The following KRT74 variants were observed in gnomAD, a reference collection of about 807,000 sequenced individuals.
KRT74 encodes the protein keratin 74, also known as keratin, type II cytoskeletal 74.
KRT74 carries 43 observed loss-of-function variants against 42.7 expected under a neutral mutation model. That is an observed-to-expected ratio of 1.01 (90% CI 0.79 to 1.30). KRT74 has a LOEUF of 1.30. KRT74 is among the 50% of genes most tolerant of loss of function. The pLI is 0.00. For missense variants in KRT74, 736 were observed against 689.1 expected (o/e 1.07, Z -0.76); for synonymous variants, 302 against 279.0 (o/e 1.08, Z -0.82).
At chr12:52,571,895 A>T in intron 3 of KRT74, 49 bp downstream of exon 3, 1 of 1,243,874 alleles carries the variant, frequency 8.0e-7, no homozygotes, top group Non-Finnish European at 1.2e-6. Context: ...CAGAGTTGTT[A>T]AGATGGGGGT....
In KRT74 at chr12:52,572,765, T is replaced by C. The variant is rs190208048; in HGVS notation, c.472-98A>G. ...TCCCCAGGTTTGCCATAGATTGTTG[T>C]AGTCATTTTTGCTCATGTCTTGACT... On this transcript the variant is annotated intron_variant, in intron 1 of 8. Coordinates refer to ENST00000305620, the MANE Select transcript of KRT74 (RefSeq NM_175053.4). 1.5e-4 allele frequency: 169 copies of C among 1,133,452 alleles called. 1 individual carries two copies. The African/African-American group carries it at 1.8e-3, about 12-fold the overall frequency. The allele number at this position is 1,133,452 out of a possible 1,614,324, so 70.2% of individuals were successfully genotyped here. A position where few individuals can be genotyped will look rare whatever the true frequency, so the allele number is the denominator to read the frequency against.
intron 6 of KRT74, chr12:52,569,521 A>G (rs1232686504): frequency 1.7e-6 from 1 of 601,172 alleles, no homozygotes; most frequent in Admixed American, 3.0e-5. Context: ...TTCATTGGAC[A>G]CAGAAAAAAT....
At position 52,573,446 on chromosome 12, in the gene KRT74, C is replaced by T. The variant is rs779011687; in HGVS notation, c.332G>A (p.Gly111Asp). Reference protein sequence around the residue: ...PACLSVCPPGGIHQVTVNKSL... With the variant: ...PACLSVCPPGDIHQVTVNKSL... ...CTTGTTGACAGTGACCTGGTGGATG[C>T]CCCCAGGTGGGCACACAGACAAACA... Residue 111 changes from glycine (G) to aspartate (D), a missense_variant, in exon 1 of 9, where the codon GGC becomes GAC. Physicochemically the swap from Gly to Asp is moderately conservative, Grantham distance 94 (BLOSUM62 -1). Transcript: ENST00000305620. 4 of 1,614,078 alleles carry T rather than the reference C, an allele frequency of 2.5e-6. No homozygotes were observed. The highest frequency in any genetic ancestry group is 3.4e-6 in the Non-Finnish European group (4 of 1,180,042).
At chr12:52,570,604 C>T in intron 5 of KRT74, 65 bp downstream of exon 5, 1 of 1,546,846 alleles carries the variant, frequency 6.5e-7, no homozygotes, top group South Asian at 1.1e-5. Context: ...CTCACATTCA[C>T]TGTGCAGGTG....
At chr12:52,573,259 C>G (rs1372668073) in intron 1 of KRT74, 48 bp downstream of exon 1, 3 of 1,575,834 alleles carry the variant, frequency 1.9e-6, no homozygotes, top group Non-Finnish European at 1.7e-6. Flanking sequence ...AGCAGGAAAA[C>G]TGCTCAGGCC....
At position 52,570,360 on chromosome 12, in the gene KRT74, C is replaced by T. The variant is rs372105186; in HGVS notation, c.1008+309G>A. Among the ~76,000 whole-genome samples the T allele has an allele frequency of 3.2e-4, 48 of 152,304 alleles. No individual in the cohort carries two copies. The South Asian group carries it at 1.0e-2, about 32-fold the overall frequency. ...TCTCCCTCTGCCCTGTGGCAACATG[C>T]CCCCATTCCTATAAGTGTGTTTGTT... On this transcript the variant is annotated intron_variant, in intron 5 of 8. Transcript: ENST00000305620.
At position 52,571,938 on chromosome 12, in the gene KRT74, T is replaced by C. The variant is rs673363; in HGVS notation, c.747+6A>G. On this transcript the variant is annotated splice_donor_region_variant and intron_variant, in intron 3 of 8. Transcript: ENST00000305620. ...ACCCTAATAAGGAGGCTCCTCCCTC[T>C]CTTACCTTCTTAAGCACCACAAACT... 1,148,671 of 1,530,448 alleles carry C rather than the reference T, an allele frequency of 0.75. 435,512 individuals are homozygous for C. The highest frequency in any genetic ancestry group is 0.96 in the African/African-American group (69,916 of 73,154). The allele number at this position is 1,530,448 out of a possible 1,614,324, so 94.8% of individuals were successfully genotyped here.
chr12:52,573,432 T>C lies in KRT74; in HGVS notation c.346A>G (p.Thr116Ala). 6.2e-7 allele frequency: 1 copy of C among 1,613,472 alleles called. No individual in the cohort carries two copies. The highest frequency in any genetic ancestry group is 1.1e-5 in the South Asian group (1 of 91,078). ...VCPPGGIHQV[T>A]VNKSLLAPLN... The stretch of plus-strand genomic sequence containing the variant: ...GGGGCCAAGAGGCTCTTGTTGACAG[T>C]GACCTGGTGGATGCCCCCAGGTGGG... The change falls in exon 1 of 9, where the codon ACT becomes GCT. Residue 116 changes from threonine (T) to alanine (A), a missense_variant. By Grantham distance (58) the Thr-to-Ala change is moderately conservative. Transcript: ENST00000305620.
chr12:52,571,390 T>C lies in KRT74; in HGVS notation c.812A>G (p.Glu271Gly), dbSNP rs551412417. 4 of 1,613,492 alleles carry C rather than the reference T, an allele frequency of 2.5e-6. No individual in the cohort carries two copies. The South Asian group carries it at 4.4e-5, about 18-fold the overall frequency. ...ATACAGACACTTGAGGAACTTGATT[T>C]CTTTGTCCAGTGAGTCCACTTTGGC... ...LQAKVDSLDK[E>G]IKFLKCLYDA... Residue 271 changes from glutamate (E) to glycine (G), a missense_variant, in exon 4 of 9, where the codon GAA becomes GGA. Transcript: ENST00000305620.
chr12:52,569,664 C>A (rs951775080), intron 6 of KRT74, 195 bp downstream of exon 6: 2 of 670,478 alleles, frequency 3.0e-6, no homozygotes, highest in South Asian at 3.6e-5. Context: ...AGGTTTGAGG[C>A]TCCTCCCAGT....
chr12:52,573,460 CACAG>C lies in KRT74; in HGVS notation c.314_317del (p.Ser105CysfsTer42). 1 of 1,614,202 alleles carries C rather than the reference CACAG, an allele frequency of 6.2e-7. No individual in the cohort carries two copies. Among genetic ancestry groups the C allele is most frequent in the Non-Finnish European group, 8.5e-7 (1 of 1,180,032 alleles). ...CCTGGTGGATGCCCCCAGGTGGGCA[CACAG>C]ACAAACATGCAGGCCCCAGGGCCAC... On this transcript the variant is annotated frameshift_variant, in exon 1 of 9. Coordinates refer to ENST00000305620, the MANE Select transcript of KRT74 (RefSeq NM_175053.4). LOFTEE classifies it high-confidence loss of function.
Position 52,567,658 on chromosome 12 carries a change from C to T in KRT74, c.1390+1G>A, listed in dbSNP as rs1939402902. On this transcript the variant is annotated splice_donor_variant, in intron 8 of 8. Transcript: ENST00000305620. LOFTEE classifies it high-confidence loss of function. ...CCAAGGCATCTCTCAAGAATACTCA[C>T]AGATGCTCACAGAGGATGGATTCTC... The T allele has an allele frequency of 1.2e-6, 2 of 1,609,914 alleles. No individual in the cohort carries two copies. The highest frequency in any genetic ancestry group is 1.7e-6 in the Non-Finnish European group (2 of 1,176,288).
chr12:52,568,312 C>T lies in KRT74; in HGVS notation c.1212G>A (p.Leu404=). 6.2e-7 allele frequency: 1 copy of T among 1,614,238 alleles called. No homozygotes were observed. The highest frequency in any genetic ancestry group is 1.3e-5 in the African/African-American group (1 of 75,066). ...GGTGCAGGGCGCCCTCCAGCTCATCCAGCTTGGCCTGGGCATCCTTCAGGG... is the reference window on the plus strand; with the variant it reads ...GGTGCAGGGCGCCCTCCAGCTCATCTAGCTTGGCCTGGGCATCCTTCAGGG... The part of the protein sequence containing the change: ...DNALKDAQAK[L]DELEGALHQA... Residue 404 remains leucine (L), a synonymous_variant, in exon 7 of 9, where the codon CTG becomes CTA. Coordinates refer to ENST00000305620, the MANE Select transcript of KRT74 (RefSeq NM_175053.4).
At chr12:52,572,383 G>A in intron 2 of KRT74, 70 bp downstream of exon 2, 1 of 1,518,654 alleles carries the variant, frequency 6.6e-7, no homozygotes, top group Non-Finnish European at 9.1e-7. Flanking sequence ...AAAAAATAAT[G>A]GCACAGAGAT....
At chr12:52,571,848 C>G in intron 3 of KRT74, 96 bp downstream of exon 3, 1 of 903,402 alleles carries the variant, frequency 1.1e-6, no homozygotes, top group Non-Finnish European at 1.9e-6. Flanking sequence ...CACCAGGCAC[C>G]AGCCCCCTCC....
chr12:52,571,248 T>C, intron 4 of KRT74, 111 bp downstream of exon 4: 1 of 798,460 alleles, frequency 1.3e-6, no homozygotes. Context: ...TTTTGTACCT[T>C]TCTACCAAAA....
rs1468812401 is a variant in KRT74 at position 52,569,929 on chromosome 12, CT to C, written c.1063del (p.Arg355GlyfsTer7). The C allele has an allele frequency of 5.6e-6, 9 of 1,614,054 alleles. No individual in the cohort carries two copies. Among genetic ancestry groups the C allele is most frequent in the Non-Finnish European group, 7.6e-6 (9 of 1,180,010 alleles). On this transcript the variant is annotated frameshift_variant, in exon 6 of 9. Coordinates refer to ENST00000305620, the MANE Select transcript of KRT74 (RefSeq NM_175053.4). LOFTEE classifies it high-confidence loss of function. ...SRHGDDLKHT[R>X]SEMVELNRLI... ...CCGGTTCAGCTCCACCATCTCGCTCCTGGTGTGTTTCAGGTCGTCACCATGC... is the reference window on the plus strand; with the variant it reads ...CCGGTTCAGCTCCACCATCTCGCTCCGGTGTGTTTCAGGTCGTCACCATGC...
chr12:52,567,295 G>A, intron 8 of KRT74, 127 bp from the exon 9 acceptor site: 2 of 802,586 alleles, frequency 2.5e-6, no homozygotes, highest in Non-Finnish European at 3.8e-6. Context: ...ACCACCCTCA[G>A]TAGTCAAGAA....
chr12:52,572,700 C>T (rs754302695), intron 1 of KRT74, 33 bp from the exon 2 acceptor site: 8 of 1,591,504 alleles, frequency 5.0e-6, no homozygotes, highest in Non-Finnish European at 6.9e-6. Context: ...CCTGGAACCA[C>T]AATGGGTGCA....
Sources: allele counts gnomAD v4.1 joint callset (sites outside exome capture counted in the v4.1 genomes callset), GRCh38; gene constraint gnomAD v4.1.1; transcripts MANE v1.5; gene names NCBI Gene and HGNC (gene_info 2026-07-23, HGNC 2026-07-21).